Variants in PTPRD observed in about 807,000 individuals in gnomAD.
The protein encoded by PTPRD is protein tyrosine phosphatase receptor type D, also known as receptor-type tyrosine-protein phosphatase delta.
A neutral mutation model predicts 214.5 loss-of-function variants in PTPRD; 34 were observed. That is an observed-to-expected ratio of 0.16 (90% CI 0.12 to 0.21). The LOEUF is 0.21. Among genes scored for constraint, PTPRD ranks in the 10% least tolerant of loss-of-function variants. PTPRD has a pLI of 1.00. For missense variants in PTPRD, 2,545 were observed against 2,398.7 expected (o/e 1.06, Z -1.27); for synonymous variants, 1,128 against 845.7 (o/e 1.33, Z -5.79).
intron 2 of PTPRD, among the ~76,000 whole-genome samples, chr9:10,401,701 T>G (rs2098272463): frequency 6.7e-6 from 1 of 149,830 alleles, no homozygotes; most frequent in East Asian, 2.0e-4. Flanking sequence ...TAAAATGGCA[T>G]TCAGATATAA....
chr9:9,530,998 G>A (rs1244660456), intron 8 of PTPRD, among the ~76,000 whole-genome samples: 2 of 152,080 alleles, frequency 1.3e-5, no homozygotes, highest in Non-Finnish European at 2.9e-5. Context: ...ACTATACTAA[G>A]CAATGATATT....
intron 10 of PTPRD, among the ~76,000 whole-genome samples, chr9:9,101,749 A>G (rs2099791720): frequency 6.6e-6 from 1 of 152,176 alleles, no homozygotes; most frequent in African/African-American, 2.4e-5. Context: ...TACCCATATG[A>G]TTAACCCACA....
intron 4 of PTPRD, among the ~76,000 whole-genome samples, chr9:9,981,525 T>A (rs1406482528): frequency 1.4e-4 from 9 of 62,112 alleles, no homozygotes; most frequent in Middle Eastern, 0.016. Context: ...TGGCTAATTT[T>A]TTTTTGTATT....
Position 8,542,487 on chromosome 9 carries a change from G to A in PTPRD, c.353-13708C>T, listed in dbSNP as rs2078729903. On this transcript the variant is annotated intron_variant, in intron 14 of 45. Transcript: ENST00000381196. Reference sequence around the variant, plus strand: ...TGGTAATATTTTGAAGATGAGGAATGAAGGAGAATTATCAGGGATGGCTTT... The same window carrying A: ...TGGTAATATTTTGAAGATGAGGAATAAAGGAGAATTATCAGGGATGGCTTT... Among the ~76,000 whole-genome samples, 3 of 152,216 alleles carry A rather than the reference G, an allele frequency of 2.0e-5. No individual in the cohort carries two copies. In the South Asian group the frequency reaches 6.2e-4, roughly 31 times the overall value.
intron 7 of PTPRD, among the ~76,000 whole-genome samples, chr9:9,584,246 T>C (rs2091466502): frequency 6.6e-6 from 1 of 151,610 alleles, no homozygotes; most frequent in African/African-American, 2.4e-5. Flanking sequence ...CTCCCCTTAA[T>C]CTCCCCTCAC....
At chr9:8,966,922 A>G (rs929677088) in intron 11 of PTPRD, among the ~76,000 whole-genome samples, 1 of 151,772 alleles carries the variant, frequency 6.6e-6, no homozygotes, top group African/African-American at 2.4e-5. Context: ...AAAAACAAAC[A>G]AACAAACAAA....
At chr9:9,010,324 A>G (rs560104652) in intron 11 of PTPRD, among the ~76,000 whole-genome samples, 91 of 152,328 alleles carry the variant, frequency 6.0e-4, no homozygotes, top group Non-Finnish European at 1.1e-3. Flanking sequence ...AACATTATCC[A>G]TAAGACTTTT....
At chr9:9,223,897 C>G (rs776542038) in intron 9 of PTPRD, among the ~76,000 whole-genome samples, 4 of 151,862 alleles carry the variant, frequency 2.6e-5, no homozygotes, top group Non-Finnish European at 5.9e-5. Flanking sequence ...TTCCTATACA[C>G]CTGGAATTAT....
At chr9:8,320,064 C>A in intron 44 of PTPRD, 98 bp from the exon 45 acceptor site, 1 of 1,425,424 alleles carries the variant, frequency 7.0e-7, no homozygotes, top group Non-Finnish European at 9.4e-7. Flanking sequence ...TTCCACACTC[C>A]GTATCTCTTT....
chr9:8,659,105 C>T (rs1385085100), intron 12 of PTPRD, among the ~76,000 whole-genome samples: 1 of 151,978 alleles, frequency 6.6e-6, no homozygotes, highest in Non-Finnish European at 1.5e-5. Flanking sequence ...TCAAGAAGGA[C>T]ACTGTGCCAT....
intron 11 of PTPRD, among the ~76,000 whole-genome samples, chr9:8,947,512 G>T (rs544811353): frequency 6.6e-6 from 1 of 151,380 alleles, no homozygotes; most frequent in African/African-American, 2.4e-5. Context: ...CTATGGTAAG[G>T]TCTGAGTGTT....
rs72692939 is a variant in PTPRD at position 8,460,277 on chromosome 9, T to C, written c.3875+134A>G. ...TTTGATCTTACTGTAATGTAAACAC[T>C]TTTCCAAAAATAATTGAAATGGCAC... On this transcript the variant is annotated intron_variant, in intron 33 of 45. Coordinates refer to ENST00000381196, the MANE Select transcript of PTPRD (RefSeq NM_002839.4). 78,188 of 1,106,728 alleles carry C rather than the reference T, an allele frequency of 0.071. 3,085 individuals are homozygous for C. Among genetic ancestry groups the C allele is most frequent in the South Asian group, 0.11 (8,691 of 78,340 alleles). 68.6% of individuals were successfully genotyped at this position (1,106,728 alleles called of 1,614,324 possible).
chr9:9,072,280 T>TAC (rs201508445), intron 10 of PTPRD, among the ~76,000 whole-genome samples: 30,945 of 135,406 alleles, frequency 0.23, 3,394 homozygotes, highest in South Asian at 0.26. Context: ...GCTGGCAACT[T>TAC]ACACACACAC....
intron 12 of PTPRD, among the ~76,000 whole-genome samples, chr9:8,691,150 G>A (rs1211876568): frequency 6.6e-6 from 1 of 152,018 alleles, no homozygotes; most frequent in Non-Finnish European, 1.5e-5. Flanking sequence ...CCACATCCCC[G>A]AATATTCCCC....
chr9:8,548,227 T>C (rs2080853482), intron 14 of PTPRD, among the ~76,000 whole-genome samples: 1 of 152,174 alleles, frequency 6.6e-6, no homozygotes, highest in Non-Finnish European at 1.5e-5. Context: ...ACTGCTTGAA[T>C]GCTTTTGTTT....
At chr9:10,401,061 T>C (rs1565800490) in intron 2 of PTPRD, among the ~76,000 whole-genome samples, 1 of 151,696 alleles carries the variant, frequency 6.6e-6, no homozygotes, top group Non-Finnish European at 1.5e-5. Context: ...TTTAACTAGA[T>C]ATTAAATATA....
chr9:8,832,706 G>C (rs985385818), intron 11 of PTPRD, among the ~76,000 whole-genome samples: 22 of 152,004 alleles, frequency 1.4e-4, no homozygotes, highest in Non-Finnish European at 2.8e-4. Context: ...TTTTAAATGT[G>C]AAATCTTTCA....
intron 2 of PTPRD, among the ~76,000 whole-genome samples, chr9:10,555,473 C>T (rs1256557646): frequency 6.6e-6 from 1 of 152,200 alleles, no homozygotes; most frequent in Non-Finnish European, 1.5e-5. Context: ...CCTTGCAGTT[C>T]TGGGCTGAAA....
chr9:8,705,099 TA>T, intron 12 of PTPRD, among the ~76,000 whole-genome samples: 1 of 152,250 alleles, frequency 6.6e-6, no homozygotes, highest in African/African-American at 2.4e-5. Context: ...TCAATAAGTT[TA>T]AAAAAAGGGC....
Sources: allele counts gnomAD v4.1 joint callset (sites outside exome capture counted in the v4.1 genomes callset), GRCh38; gene constraint gnomAD v4.1.1; transcripts MANE v1.5; gene names NCBI Gene and HGNC (gene_info 2026-07-23, HGNC 2026-07-21).